The following HK1 variants were observed in gnomAD, a reference collection of about 807,000 sequenced individuals.
HK1 encodes the protein hexokinase-1.
In HK1, 28 loss-of-function variants were observed where a neutral mutation model predicts 91.6. That is an observed-to-expected ratio of 0.31 (90% confidence interval 0.23 to 0.42). The LOEUF (loss-of-function observed/expected upper bound fraction) is 0.42. Ranked by LOEUF, HK1 falls within the 10% of genes least tolerant of loss-of-function variation. HK1 has a pLI of 1.00. For synonymous variants in HK1, 430 were observed against 468.1 expected, an observed-to-expected ratio of 0.92 and a Z score of 1.05; for missense variants, 770 against 1,219.8, an observed-to-expected ratio of 0.63 and a Z score of 5.49.
Position 69,369,291 on chromosome 10 carries a change from A to G in HK1, c.646A>G (p.Thr216Ala). Reference sequence around the variant, plus strand: ...GAATGACACAGTGGGCACCATGATGACCTGTGGCTATGACGACCAGCACTG... The same window carrying G: ...GAATGACACAGTGGGCACCATGATGGCCTGTGGCTATGACGACCAGCACTG... ...VVNDTVGTMM[T>A]CGYDDQHCEV... The change falls in exon 6 of 18, where the codon ACC (threonine) becomes GCC (alanine). Residue 216 changes from threonine (T) to alanine (A), a missense_variant. Physicochemically the swap from Thr to Ala is moderately conservative, Grantham distance 58 (BLOSUM62 0). Transcript: ENST00000359426. This position sits in a 1 kb window ranked among gnomAD's most constrained non-coding sequence, Gnocchi z 4.4. 1 of 1,614,196 alleles carries G rather than the reference A, an allele frequency of 6.2e-7. No homozygotes were observed. Among genetic ancestry groups the G allele is most frequent in the Non-Finnish European group, 8.5e-7 (1 of 1,180,016 alleles).
Position 69,341,194 on chromosome 10 carries a change from G to C in HK1, c.64-2633G>C, listed in dbSNP as rs111688570. 5.4e-3 allele frequency among the ~76,000 whole-genome samples: 813 copies of C among 151,182 alleles called. 4 individuals carry two copies. Among genetic ancestry groups the C allele is most frequent in the African/African-American group, 0.018 (759 of 41,104 alleles). ...TTTTTTTTTTGGAGACTGGATCTAA[G>C]TCTGTCACCCAGGCTGGGGTACAGT... On this transcript the variant is annotated intron_variant, in intron 1 of 17. Coordinates refer to ENST00000359426, the MANE Select transcript of HK1 (RefSeq NM_000188.3).
intron 5 of HK1, among the ~76,000 whole-genome samples, chr10:69,304,393 T>C (rs1846015826): frequency 6.6e-6 from 1 of 152,024 alleles, no homozygotes; most frequent in Non-Finnish European, 1.5e-5. Context: ...CTGCAACCTC[T>C]GCCTCCTGGA....
upstream of HK1, among the ~76,000 whole-genome samples, chr10:69,316,754 A>C (rs774790996): frequency 6.6e-6 from 1 of 152,152 alleles, no homozygotes; most frequent in Non-Finnish European, 1.5e-5. Context: ...CATGTTTTTG[A>C]TTATGCATTA....
intron 3 of HK1, among the ~76,000 whole-genome samples, chr10:69,291,536 TAGAG>T: frequency 6.6e-6 from 1 of 152,148 alleles, no homozygotes; most frequent in East Asian, 1.9e-4. Context: ...AACTGAGGCT[TAGAG>T]AGGTTAAATT....
intron 5 of HK1, among the ~76,000 whole-genome samples, chr10:69,309,417 G>C (rs1220429047): frequency 7.2e-6 from 1 of 138,982 alleles, no homozygotes; most frequent in East Asian, 2.3e-4. Flanking sequence ...TCCTGACCTT[G>C]TGATCCGCCT....
At chr10:69,392,402 G>A in intron 15 of HK1, 94 bp downstream of exon 15, 1 of 1,352,094 alleles carries the variant, frequency 7.4e-7, no homozygotes, top group South Asian at 1.2e-5. Context: ...TTTCTAGGAG[G>A]AGAGGTCTGA....
At chr10:69,377,313 G>A (rs970019458) in intron 8 of HK1, among the ~76,000 whole-genome samples, 2 of 152,120 alleles carry the variant, frequency 1.3e-5, no homozygotes, top group Non-Finnish European at 2.9e-5. Flanking sequence ...CAAGTGCACA[G>A]GTGATTTTCC....
rs1840384128 is a variant in HK1, at chr10:69,401,394, G to A, written c.*259G>A. 3.5e-6 allele frequency: 2 copies of A among 572,948 alleles called. No individual in the cohort carries two copies. Among genetic ancestry groups the A allele is most frequent in the Admixed American group, 6.0e-5 (2 of 33,164 alleles). 35.5% of individuals were successfully genotyped at this position (572,948 alleles called of 1,614,324 possible). A position where few individuals can be genotyped will look rare whatever the true frequency, so the allele number is the denominator to read the frequency against. ...GATTTTGACCTGGTCCCCCACGTGT[G>A]AAGTGTAGTGGCATCCATTTCTAAT... On this transcript the variant is annotated 3_prime_UTR_variant, in exon 18 of 18. Coordinates refer to ENST00000359426, the MANE Select transcript of HK1 (RefSeq NM_000188.3).
chr10:69,398,587 C>A lies in HK1; in HGVS notation c.2376-8C>A. The stretch of plus-strand genomic sequence containing the variant: ...TTCATCCAGCCCTCTGGCTCTTGTC[C>A]CCCACAGTGACCGATTAGCACTGCT... On this transcript the variant is annotated splice_polypyrimidine_tract_variant and splice_region_variant and intron_variant, in intron 16 of 17. Transcript: ENST00000359426. 6.2e-7 allele frequency: 1 copy of A among 1,610,778 alleles called. No individual in the cohort carries two copies. The highest frequency in any genetic ancestry group is 1.1e-5 in the South Asian group (1 of 90,768).
chr10:69,324,605 G>A (rs7097078), intron 1 of HK1, among the ~76,000 whole-genome samples: 65,507 of 152,042 alleles, frequency 0.43, 14,617 homozygotes, highest in East Asian at 0.72. Flanking sequence ...AAAAAAAAAT[G>A]AAGTATTTGC....
intron 14 of HK1, among the ~76,000 whole-genome samples, chr10:69,390,022 C>T (rs374097296): frequency 6.6e-6 from 1 of 152,226 alleles, no homozygotes; most frequent in Non-Finnish European, 1.5e-5. Flanking sequence ...TCTGCGGACT[C>T]TGCCTGGTGA....
intron 1 of HK1, among the ~76,000 whole-genome samples, chr10:69,327,436 G>A (rs1847449153): frequency 6.6e-6 from 1 of 152,216 alleles, no homozygotes; most frequent in Non-Finnish European, 1.5e-5. Flanking sequence ...TTCTTACAGA[G>A]TATAAAAGCT....
chr10:69,297,102 G>A (rs1845603376), intron 4 of HK1, among the ~76,000 whole-genome samples: 2 of 152,138 alleles, frequency 1.3e-5, no homozygotes, highest in South Asian at 4.1e-4. Flanking sequence ...AAACCAAACT[G>A]CTAAAACTAC....
intron 3 of HK1, among the ~76,000 whole-genome samples, chr10:69,362,975 T>C (rs1342568170): frequency 1.3e-5 from 2 of 152,118 alleles, no homozygotes; most frequent in African/African-American, 4.8e-5. Flanking sequence ...GGCAACAAAG[T>C]CCGACTTTAG....
chr10:69,340,953 C>T (rs895110538), intron 1 of HK1, among the ~76,000 whole-genome samples: 2 of 151,990 alleles, frequency 1.3e-5, no homozygotes, highest in African/African-American at 4.8e-5. Flanking sequence ...CTTGCTTGTG[C>T]CTGGGCATGC....
upstream of HK1, among the ~76,000 whole-genome samples, chr10:69,313,607 C>A (rs867266734): frequency 1.3e-5 from 2 of 152,136 alleles, no homozygotes; most frequent in African/African-American, 4.8e-5. Flanking sequence ...GGATTACAGG[C>A]GTACACCACC....
intron 1 of HK1, among the ~76,000 whole-genome samples, chr10:69,325,602 T>C (rs1352494112): frequency 1.3e-5 from 2 of 151,242 alleles, no homozygotes; most frequent in African/African-American, 4.9e-5. Context: ...CTCAGCTCAC[T>C]GAAACCTCCA....
At chr10:69,324,204 ATGTT>A (rs1207003711) in intron 1 of HK1, among the ~76,000 whole-genome samples, 1 of 152,200 alleles carries the variant, frequency 6.6e-6, no homozygotes, top group Non-Finnish European at 1.5e-5. Context: ...TCTTTAAAAA[ATGTT>A]TGATTTTTTT....
At chr10:69,366,621 G>C (rs547973906) in intron 4 of HK1, among the ~76,000 whole-genome samples, 1 of 152,252 alleles carries the variant, frequency 6.6e-6, no homozygotes, top group East Asian at 1.9e-4. Context: ...TGTTCTGTCT[G>C]ACCTGTTATG....
Sources: gnomAD v4.1 joint callset for allele counts (sites outside exome capture counted in the v4.1 genomes callset) on GRCh38, gnomAD v4.1.1 for gene constraint, Gnocchi (gnomAD v3.1) non-coding constraint, MANE v1.5 for transcripts, NCBI Gene and HGNC (gene_info 2026-07-23, HGNC 2026-07-21) for gene names.